Variants in TRPV5 observed in about 807,000 individuals in gnomAD.
The protein encoded by TRPV5 is calcium transport protein 2.
A neutral mutation model predicts 74.1 loss-of-function variants in TRPV5; 66 were observed. That is an observed-to-expected ratio of 0.89 (90% CI 0.73 to 1.09). The LOEUF is 1.09. TRPV5 is among the 50% of genes least tolerant of loss of function. The pLI is 0.00. For synonymous variants in TRPV5, 399 were observed against 360.7 expected (o/e 1.11, Z -1.20); for missense variants, 936 against 930.4 (o/e 1.01, Z -0.08).
chr7:142,929,534 G>C lies in TRPV5; in HGVS notation c.381C>G (p.Asn127Lys), dbSNP rs780204597. The C allele has an allele frequency of 6.2e-7, 1 of 1,614,162 alleles. No homozygotes were observed. Among genetic ancestry groups the C allele is most frequent in the Non-Finnish European group, 8.5e-7 (1 of 1,180,020 alleles). ...GGGCACGCACCAGGTTCACATTCTGGTTCACAACAGCGATGTGCAGTGCAG... is the reference window on the plus strand; with the variant it reads ...GGGCACGCACCAGGTTCACATTCTGCTTCACAACAGCGATGTGCAGTGCAG... ...GQTALHIAVV[N>K]QNVNLVRALL... The change falls in exon 4 of 15, where the codon AAC (asparagine) becomes AAG (lysine). Residue 127 changes from asparagine (N) to lysine (K), a missense_variant. By Grantham distance (94) the Asn-to-Lys change is moderately conservative (BLOSUM62 0). Coordinates refer to ENST00000265310, the MANE Select transcript of TRPV5 (RefSeq NM_019841.7).
At position 142,933,667 on chromosome 7, in the gene TRPV5, G is replaced by A. The variant is rs577257861; in HGVS notation, c.-208C>T. On this transcript the variant is annotated 5_prime_UTR_variant, in exon 1 of 15. Coordinates refer to ENST00000265310, the MANE Select transcript of TRPV5 (RefSeq NM_019841.7). ...TGTGGGGTGTGCGTGTATGCACAGT[G>A]TGTGGCTGTGGTGTATGTGTGTGCA... is the stretch of plus-strand genomic sequence containing the variant. 1 of 629,772 alleles carries A rather than the reference G, an allele frequency of 1.6e-6. No homozygotes were observed. The highest frequency in any genetic ancestry group is 2.8e-5 in the East Asian group (1 of 35,566). The allele number at this position is 629,772 out of a possible 1,614,324, so 39.0% of individuals were successfully genotyped here. A position where few individuals can be genotyped will look rare whatever the true frequency, so the allele number is the denominator to read the frequency against.
At position 142,908,405 on chromosome 7, in the gene TRPV5, C is replaced by A; in HGVS notation, c.*109G>T. 1.6e-6 allele frequency: 2 copies of A among 1,261,616 alleles called. No homozygotes were observed. Among genetic ancestry groups the A allele is most frequent in the South Asian group, 1.4e-5 (1 of 70,846 alleles). The allele number at this position is 1,261,616 out of a possible 1,614,324, so 78.2% of individuals were successfully genotyped here. A position where few individuals can be genotyped will look rare whatever the true frequency, so the allele number is the denominator to read the frequency against. On this transcript the variant is annotated 3_prime_UTR_variant, in exon 15 of 15. Transcript: ENST00000265310. ...TTAGGGATTGTTCTGTCTCACCCTC[C>A]CATGATTAACAGGCACAGAAGTTAG...
chr7:142,920,436 T>C (rs1795864888), intron 8 of TRPV5, among the ~76,000 whole-genome samples: 1 of 152,216 alleles, frequency 6.6e-6, no homozygotes, highest in Non-Finnish European at 1.5e-5. Flanking sequence ...AATCTTTCTA[T>C]ATCTGATCCT....
intron 8 of TRPV5, among the ~76,000 whole-genome samples, chr7:142,924,152 G>T (rs1014171698): frequency 6.6e-6 from 1 of 150,572 alleles, no homozygotes; most frequent in Non-Finnish European, 1.5e-5. Flanking sequence ...ACACATTCAG[G>T]CTTGTCCTCC....
intron 8 of TRPV5, among the ~76,000 whole-genome samples, chr7:142,922,916 A>G (rs1795909288): frequency 6.6e-6 from 1 of 152,198 alleles, no homozygotes; most frequent in African/African-American, 2.4e-5. Flanking sequence ...TAGCCCCCAA[A>G]TTGGATAGAA....
At chr7:142,923,242 T>C (rs1348526485) in intron 8 of TRPV5, among the ~76,000 whole-genome samples, 1 of 152,178 alleles carries the variant, frequency 6.6e-6, no homozygotes, top group Non-Finnish European at 1.5e-5. Context: ...AACAATTGCA[T>C]GAGTCAAATC....
At chr7:142,912,078 G>C (rs1363047420) in intron 13 of TRPV5, among the ~76,000 whole-genome samples, 6 of 151,998 alleles carry the variant, frequency 3.9e-5, no homozygotes, top group Non-Finnish European at 7.4e-5. Flanking sequence ...GGCCATTGAG[G>C]GTCACTTCTA....
intron 12 of TRPV5, 141 bp from the exon 13 acceptor site, chr7:142,912,891 T>C: frequency 1.5e-6 from 1 of 653,190 alleles, no homozygotes. Context: ...TAAATACACT[T>C]GCACACATGC....
At chr7:142,917,459 G>A (rs572387948) in intron 8 of TRPV5, among the ~76,000 whole-genome samples, 3 of 152,170 alleles carry the variant, frequency 2.0e-5, no homozygotes, top group Non-Finnish European at 2.9e-5. Context: ...ACATAAGTTG[G>A]CGAGGATGGC....
In TRPV5 at chr7:142,909,578, T is replaced by G; in HGVS notation, c.1807A>C (p.Met603Leu). 6.2e-7 allele frequency: 1 copy of G among 1,613,952 alleles called. No individual in the cohort carries two copies. Among genetic ancestry groups the G allele is most frequent in the Non-Finnish European group, 8.5e-7 (1 of 1,180,018 alleles). Residue 603 changes from methionine (M) to leucine (L), a missense_variant, in exon 14 of 15, where the codon ATG (methionine) becomes CTG (leucine). Physicochemically the swap from Met to Leu is conservative, Grantham distance 15 (BLOSUM62 2). Coordinates refer to ENST00000265310, the MANE Select transcript of TRPV5 (RefSeq NM_019841.7). The stretch of plus-strand genomic sequence containing the variant: ...CAGCGAGGCAGCTTCCGCTCCAGCA[T>G]CACTGTGGTGGCCACGACCTGGAAG... ...WRAQVVATTV[M>L]LERKLPRCLW...
chr7:142,915,682 C>A, intron 8 of TRPV5, 114 bp from the exon 9 acceptor site: 2 of 909,052 alleles, frequency 2.2e-6, no homozygotes, highest in South Asian at 1.7e-5. Flanking sequence ...CCCCTTCCCA[C>A]CAGCATCACC....
chr7:142,933,636 G>C lies in TRPV5; in HGVS notation c.-177C>G. On this transcript the variant is annotated 5_prime_UTR_variant, in exon 1 of 15. Coordinates refer to ENST00000265310, the MANE Select transcript of TRPV5 (RefSeq NM_019841.7). ...AGGTGTGTGTGTGTGCATGCAGTAT[G>C]TGGGTTGTGGGGTGTGCGTGTATGC... 1 of 789,762 alleles carries C rather than the reference G, an allele frequency of 1.3e-6. No homozygotes were observed. The highest frequency in any genetic ancestry group is 2.0e-6 in the Non-Finnish European group (1 of 500,232). 48.9% of individuals were successfully genotyped at this position (789,762 alleles called of 1,614,324 possible).
Position 142,924,326 on chromosome 7 carries a change from G to A in TRPV5, c.1122+1203C>T, listed in dbSNP as rs1308853500. 1.5e-3 allele frequency among the ~76,000 whole-genome samples: 13 copies of A among 8,602 alleles called. 3 individuals are homozygous for A. The highest frequency in any genetic ancestry group is 3.5e-3 in the Non-Finnish European group (10 of 2,844). 5.6% of individuals were successfully genotyped at this position (8,602 alleles called of 152,430 possible). A position where few individuals can be genotyped will look rare whatever the true frequency, so the allele number is the denominator to read the frequency against. The stretch of plus-strand genomic sequence containing the variant: ...CATATATATATACACACATATACAT[G>A]TATATATATACATATATATATATAT... On this transcript the variant is annotated intron_variant, in intron 8 of 14. Transcript: ENST00000265310.
intron 13 of TRPV5, among the ~76,000 whole-genome samples, chr7:142,911,505 A>T (rs1022384823): frequency 6.6e-6 from 1 of 152,224 alleles, no homozygotes; most frequent in African/African-American, 2.4e-5. Context: ...TTGCTCCCTC[A>T]GGAAAGCATG....
Position 142,933,256 on chromosome 7 carries a change from C to T in TRPV5, c.128+76G>A, listed in dbSNP as rs565211264. 352 of 1,569,300 alleles carry T rather than the reference C, an allele frequency of 2.2e-4. 5 individuals are homozygous for T. The South Asian group carries it at 3.6e-3, about 16-fold the overall frequency. Reference sequence around the variant, plus strand: ...CAATACACTTCTAGGGTGCTGTATTCGGAAAGCAGGCCCAGGTGGGTCAGA... The same window carrying T: ...CAATACACTTCTAGGGTGCTGTATTTGGAAAGCAGGCCCAGGTGGGTCAGA... On this transcript the variant is annotated intron_variant, in intron 1 of 14. Transcript: ENST00000265310.
chr7:142,925,593 T>A lies in TRPV5; in HGVS notation c.1058A>T (p.Lys353Met). 5 of 1,614,076 alleles carry A rather than the reference T, an allele frequency of 3.1e-6. No homozygotes were observed. Among genetic ancestry groups the A allele is most frequent in the Non-Finnish European group, 4.2e-6 (5 of 1,180,008 alleles). ...ATGAGTGCGGTTGCCACCACGAAAC[T>A]TAAGGGGGCGGTAGACGCAGCACGT... Reference protein sequence around the residue: ...FTTCCVYRPLKFRGGNRTHSR... With the variant: ...FTTCCVYRPLMFRGGNRTHSR... Residue 353 changes from lysine to methionine, a missense_variant, in exon 8 of 15, where the codon AAG becomes ATG. Transcript: ENST00000265310.
chr7:142,928,739 G>A lies in TRPV5; in HGVS notation c.714C>T (p.His238=), dbSNP rs1240986076. The change falls in exon 6 of 15, where the codon CAC becomes CAT. Residue 238 remains histidine (H), a synonymous_variant. Coordinates refer to ENST00000265310, the MANE Select transcript of TRPV5 (RefSeq NM_019841.7). The part of the protein sequence containing the change: ...HLQPLDLVPN[H]QGLTPFKLAG... ...CCAGCTTGAAGGGGGTGAGACCCTG[G>A]TGATTGGGCACAAGGTCCAGGGGCT... 1.2e-6 allele frequency: 2 copies of A among 1,614,040 alleles called. No individual in the cohort carries two copies. The highest frequency in any genetic ancestry group is 1.1e-5 in the South Asian group (1 of 91,088).
In TRPV5 at chr7:142,908,236, C is replaced by T. The variant is rs1282038428; in HGVS notation, c.*278G>A. 5.6e-6 allele frequency: 3 copies of T among 531,156 alleles called. No homozygotes were observed. The highest frequency in any genetic ancestry group is 1.0e-5 in the Non-Finnish European group (3 of 297,952). 32.9% of individuals were successfully genotyped at this position (531,156 alleles called of 1,614,324 possible). On this transcript the variant is annotated 3_prime_UTR_variant, in exon 15 of 15. Coordinates refer to ENST00000265310, the MANE Select transcript of TRPV5 (RefSeq NM_019841.7). ...GAAGAGAAATGGTCCTGACATTAAT[C>T]TAGCATCCCTGCCTCATGTCTTTAG...
Position 142,928,115 on chromosome 7 carries a change from C to T in TRPV5, c.882G>A (p.Glu294=), listed in dbSNP as rs1222762281. ...CTCGTTTATCAGAGGAGACCACAAG[C>T]TCCAGGAAGGACAGCTCCTCTCCCC... ...DSWGEELSFL[E]LVVSSDKREA... The change falls in exon 7 of 15, where the codon GAG becomes GAA. Residue 294 remains glutamate, a synonymous_variant. Coordinates refer to ENST00000265310, the MANE Select transcript of TRPV5 (RefSeq NM_019841.7). The T allele has an allele frequency of 1.9e-6, 3 of 1,614,176 alleles. No individual in the cohort carries two copies. In the South Asian group the frequency reaches 3.3e-5, roughly 18 times the overall value.
Sources: gnomAD v4.1 joint callset for allele counts (sites outside exome capture counted in the v4.1 genomes callset) on GRCh38, gnomAD v4.1.1 for gene constraint, MANE v1.5 for transcripts, NCBI Gene and HGNC (gene_info 2026-07-23, HGNC 2026-07-21) for gene names.